The following UBE2D1 variants were observed in gnomAD, a reference collection of about 807,000 sequenced individuals.
The protein encoded by UBE2D1 is ubiquitin-conjugating enzyme E2 D1.
A neutral mutation model predicts 24.6 loss-of-function variants in UBE2D1; 9 were observed. The ratio of observed to expected loss-of-function variants is 0.37; its 90% confidence interval spans 0.22 to 0.64. The LOEUF is 0.64. Among genes scored for constraint, UBE2D1 ranks in the 30% least tolerant of loss-of-function variants. UBE2D1 has a pLI of 0.64. For missense variants in UBE2D1, 87 were observed against 177.1 expected (o/e 0.49, Z 2.89); for synonymous variants, 57 against 57.6 (o/e 0.99, Z 0.04).
At chr10:58,356,661 A>T (rs978221314) in intron 1 of UBE2D1, among the ~76,000 whole-genome samples, 2 of 152,154 alleles carry the variant, frequency 1.3e-5, no homozygotes, top group African/African-American at 2.4e-5. Context: ...TCCCTCCAAA[A>T]GACTGTATCA....
chr10:58,335,356 T>C, intron 1 of UBE2D1, 131 bp downstream of exon 1: 1 of 1,145,524 alleles, frequency 8.7e-7, no homozygotes, highest in Non-Finnish European at 1.2e-6. Context: ...GGCAGGGAGC[T>C]GAAGGCTCGG....
At chr10:58,342,991 A>C (rs1313403728) in intron 1 of UBE2D1, among the ~76,000 whole-genome samples, 4 of 151,432 alleles carry the variant, frequency 2.6e-5, no homozygotes, top group Admixed American at 1.3e-4. Context: ...CACCACACCC[A>C]GCTAATTTTT....
chr10:58,346,682 C>T (rs886668522), intron 1 of UBE2D1, among the ~76,000 whole-genome samples: 3 of 152,038 alleles, frequency 2.0e-5, no homozygotes, highest in South Asian at 2.1e-4. Flanking sequence ...AAAGAAGTCA[C>T]GTCTTGGAAG....
intron 1 of UBE2D1, among the ~76,000 whole-genome samples, chr10:58,356,176 C>G (rs1840129428): frequency 6.6e-6 from 1 of 151,804 alleles, no homozygotes; most frequent in Non-Finnish European, 1.5e-5. Flanking sequence ...TAAAAAGTTA[C>G]AAAAGTATTA....
intron 1 of UBE2D1, among the ~76,000 whole-genome samples, chr10:58,344,873 T>G (rs1345517700): frequency 6.6e-6 from 1 of 151,662 alleles, no homozygotes; most frequent in Non-Finnish European, 1.5e-5. Flanking sequence ...TTTTGTTTTT[T>G]TTTTTTTTAA....
intron 1 of UBE2D1, among the ~76,000 whole-genome samples, chr10:58,348,383 C>T (rs996556453): frequency 1.3e-5 from 2 of 152,162 alleles, no homozygotes; most frequent in African/African-American, 4.8e-5. Flanking sequence ...CCAAATACAG[C>T]TTATATATCC....
In UBE2D1 at chr10:58,370,240, AC is replaced by A. The variant is rs974014312; in HGVS notation, c.*1477del. On this transcript the variant is annotated 3_prime_UTR_variant, in exon 7 of 7. Coordinates refer to ENST00000373910, the MANE Select transcript of UBE2D1 (RefSeq NM_003338.5). ...TCTTTAATGTTTAGCATGCTTGTCA[AC>A]CTTGAGTGAGTGTCATTTTTAAGAA... The A allele has an allele frequency of 6.6e-6, 1 of 152,148 alleles. No individual in the cohort carries two copies. Among genetic ancestry groups the A allele is most frequent in the Non-Finnish European group, 1.5e-5 (1 of 67,916 alleles). 9.4% of individuals were successfully genotyped at this position (152,148 alleles called of 1,614,324 possible).
At chr10:58,354,343 C>T (rs1013985745) in intron 1 of UBE2D1, among the ~76,000 whole-genome samples, 1 of 151,732 alleles carries the variant, frequency 6.6e-6, no homozygotes, top group Non-Finnish European at 1.5e-5. Flanking sequence ...ATTATAAGGG[C>T]CAGAAAACTT....
At chr10:58,363,810 A>G in intron 4 of UBE2D1, 124 bp downstream of exon 4, 2 of 623,818 alleles carry the variant, frequency 3.2e-6, no homozygotes, top group East Asian at 6.2e-5. Flanking sequence ...AGCATTTTCA[A>G]ACTGTTTTGT....
At chr10:58,345,123 C>T (rs1840002168) in intron 1 of UBE2D1, among the ~76,000 whole-genome samples, 2 of 151,966 alleles carry the variant, frequency 1.3e-5, no homozygotes, top group East Asian at 3.9e-4. Context: ...CCTTGGCCTC[C>T]CAAAGTGCTG....
In UBE2D1 at chr10:58,357,618, G is replaced by A. The variant is rs138139382; in HGVS notation, c.25-3720G>A. Among the ~76,000 whole-genome samples the A allele has an allele frequency of 2.7e-3, 412 of 152,154 alleles. 1 individual carries two copies. Among genetic ancestry groups the A allele is most frequent in the African/African-American group, 9.4e-3 (390 of 41,520 alleles). ...GTCTGTATTTTTGTGGACCAGAGTG[G>A]GAATGTGTTGTACCTTTTGTTTTCT... is the stretch of plus-strand genomic sequence containing the variant. On this transcript the variant is annotated intron_variant, in intron 1 of 6. Coordinates refer to ENST00000373910, the MANE Select transcript of UBE2D1 (RefSeq NM_003338.5).
At chr10:58,345,023 C>T (rs935685821) in intron 1 of UBE2D1, among the ~76,000 whole-genome samples, 1 of 151,960 alleles carries the variant, frequency 6.6e-6, no homozygotes, top group Non-Finnish European at 1.5e-5. Flanking sequence ...CACTACCATG[C>T]CTGGCTAATT....
chr10:58,336,706 A>T (rs1156730074), intron 1 of UBE2D1, among the ~76,000 whole-genome samples: 1 of 152,228 alleles, frequency 6.6e-6, no homozygotes, highest in African/African-American at 2.4e-5. Flanking sequence ...TTAATGACGA[A>T]GTAATATTGG....
rs762433856 is a variant in UBE2D1 at position 58,361,502 on chromosome 10, C to T, written c.96C>T (p.His32=). 1 of 1,614,044 alleles carries T rather than the reference C, an allele frequency of 6.2e-7. No homozygotes were observed. Among genetic ancestry groups the T allele is most frequent in the African/African-American group, 1.3e-5 (1 of 74,928 alleles). ...SAGPVGDDLF[H]WQATIMGPPD... is the part of the protein sequence containing the mutation. ...CTCCTTTGTTTGTTTCAGTGTTCCACTGGCAAGCCACTATTATGGGGCCTG... is the reference window on the plus strand; with the variant it reads ...CTCCTTTGTTTGTTTCAGTGTTCCATTGGCAAGCCACTATTATGGGGCCTG... Residue 32 remains histidine, a synonymous_variant, in exon 3 of 7, where the codon CAC becomes CAT. Transcript: ENST00000373910.
chr10:58,367,847 A>G, intron 5 of UBE2D1, 76 bp from the exon 6 acceptor site: 1 of 980,024 alleles, frequency 1.0e-6, no homozygotes, highest in Admixed American at 2.0e-5. Context: ...TATATTCACT[A>G]AAATTATTTT....
chr10:58,350,398 G>A (rs111652857), intron 1 of UBE2D1, among the ~76,000 whole-genome samples: 1 of 143,994 alleles, frequency 6.9e-6, no homozygotes, highest in Non-Finnish European at 1.5e-5. Flanking sequence ...ATATATATGT[G>A]TATTGGCCAT....
In UBE2D1 at chr10:58,352,479, G is replaced by T. The variant is rs1280006734; in HGVS notation, c.25-8859G>T. On this transcript the variant is annotated intron_variant, in intron 1 of 6. Coordinates refer to ENST00000373910, the MANE Select transcript of UBE2D1 (RefSeq NM_003338.5). ...TTAAAAAAAAAATCATGGATGTGGC[G>T]ATATGTGCCTGGAATCCCAACCACT... Among the ~76,000 whole-genome samples the T allele has an allele frequency of 2.0e-5, 3 of 147,912 alleles. No individual in the cohort carries two copies. The East Asian group carries it at 6.5e-4, about 32-fold the overall frequency.
chr10:58,359,060 A>G (rs943038590), intron 1 of UBE2D1, among the ~76,000 whole-genome samples: 3 of 151,358 alleles, frequency 2.0e-5, no homozygotes, highest in African/African-American at 7.3e-5. Flanking sequence ...ATACCAAGGT[A>G]TACTGGAAAA....
At chr10:58,350,614 C>T (rs1840063889) in intron 1 of UBE2D1, among the ~76,000 whole-genome samples, 2 of 152,170 alleles carry the variant, frequency 1.3e-5, no homozygotes, top group South Asian at 4.2e-4. Flanking sequence ...TTAATCAAGT[C>T]CAAATTTTTC....
Sources: gnomAD v4.1 joint callset for allele counts (sites outside exome capture counted in the v4.1 genomes callset) on GRCh38, gnomAD v4.1.1 for gene constraint, MANE v1.5 for transcripts, NCBI Gene and HGNC (gene_info 2026-07-23, HGNC 2026-07-21) for gene names.